The following TDP1 variants were observed in gnomAD, a reference collection of about 807,000 sequenced individuals.
The protein encoded by TDP1 is tyrosyl-DNA phosphodiesterase 1, also known as tyr-DNA phosphodiesterase 1.
In TDP1, 64 loss-of-function variants were observed where a neutral mutation model predicts 81.5. The ratio of observed to expected loss-of-function variants is 0.79; its 90% CI spans 0.64 to 0.97. The LOEUF (loss-of-function observed/expected upper bound fraction) is 0.97. Among genes scored for constraint, TDP1 ranks in the 50% least tolerant of loss-of-function variants. The probability of loss-of-function intolerance (pLI) is 0.00; values close to 1 mark genes in which losing one functional copy is unlikely to be tolerated. For missense variants in TDP1, 723 were observed against 743.8 expected, an observed-to-expected ratio of 0.97 and a Z score of 0.33; for synonymous variants, 256 against 264.3, an observed-to-expected ratio of 0.97 and a Z score of 0.30.
intron 16 of TDP1, among the ~76,000 whole-genome samples, chr14:90,038,683 C>T (rs779710578): frequency 6.6e-6 from 1 of 152,058 alleles, no homozygotes; most frequent in African/African-American, 2.4e-5. Flanking sequence ...ACTAAAAATA[C>T]AGAATGTAGC....
chr14:89,974,908 A>ATC (rs1475149509), intron 6 of TDP1, among the ~76,000 whole-genome samples: 3 of 152,222 alleles, frequency 2.0e-5, no homozygotes, highest in African/African-American at 7.2e-5. Context: ...TGGGTATTAG[A>ATC]TAACATGTTT....
At chr14:89,982,726 A>G (rs1448707392) in intron 8 of TDP1, among the ~76,000 whole-genome samples, 8 of 152,244 alleles carry the variant, frequency 5.3e-5, no homozygotes, top group Non-Finnish European at 1.0e-4. Context: ...AAACTCAGAA[A>G]GTACCAAGAC....
intron 14 of TDP1, among the ~76,000 whole-genome samples, chr14:89,999,394 C>G (rs1896998995): frequency 6.6e-6 from 1 of 152,024 alleles, no homozygotes; most frequent in South Asian, 2.1e-4. Context: ...GTGCTCATGC[C>G]CAGCAAATCT....
intron 8 of TDP1, among the ~76,000 whole-genome samples, chr14:89,982,466 C>A (rs1208959509): frequency 6.6e-6 from 1 of 152,112 alleles, no homozygotes; most frequent in Non-Finnish European, 1.5e-5. Context: ...TCTCATGAAA[C>A]AATGTTACTA....
chr14:90,031,707 T>C (rs992282216), intron 15 of TDP1, among the ~76,000 whole-genome samples: 19 of 152,122 alleles, frequency 1.2e-4, no homozygotes, highest in African/African-American at 4.6e-4. Flanking sequence ...ACTCAACATC[T>C]GTTTTAGTCC....
chr14:90,043,035 T>A, intron 16 of TDP1, 35 bp from the exon 17 acceptor site: 1 of 1,614,068 alleles, frequency 6.2e-7, no homozygotes, highest in Non-Finnish European at 8.5e-7. Flanking sequence ...ACCATCCTAT[T>A]CAAATAAATA....
Position 90,000,180 on chromosome 14 carries a change from A to G in TDP1, c.1541+6697A>G, listed in dbSNP as rs573312373. On this transcript the variant is annotated intron_variant, in intron 14 of 16. Coordinates refer to ENST00000335725, the MANE Select transcript of TDP1 (RefSeq NM_018319.4). ...CCCGTGGTGGTCTGCTGCATTCCTC[A>G]TGGGATGCTTCTTGGAGACCAGCAG... Among the ~76,000 whole-genome samples, 167 of 152,190 alleles carry G rather than the reference A, an allele frequency of 1.1e-3. 1 individual carries two copies. The highest frequency in any genetic ancestry group is 3.8e-3 in the African/African-American group (158 of 41,520).
intron 6 of TDP1, 165 bp from the exon 7 acceptor site, chr14:89,975,616 G>C: frequency 2.4e-6 from 1 of 425,352 alleles, no homozygotes; most frequent in Middle Eastern, 1.2e-3. Context: ...AGCGTCCCCA[G>C]ATGCTATTAT....
chr14:89,973,250 A>T (rs1893863865), intron 6 of TDP1, among the ~76,000 whole-genome samples: 1 of 152,252 alleles, frequency 6.6e-6, no homozygotes, highest in African/African-American at 2.4e-5. Context: ...GTTATACTGC[A>T]GTAGGATAGC....
chr14:89,975,841 A>G, intron 7 of TDP1, 26 bp downstream of exon 7: 1 of 1,595,026 alleles, frequency 6.3e-7, no homozygotes, highest in Non-Finnish European at 8.6e-7. Context: ...GAAATAGGGG[A>G]ACCCCTCAAG....
intron 10 of TDP1, among the ~76,000 whole-genome samples, chr14:89,985,579 G>A (rs1895467559): frequency 1.3e-5 from 2 of 152,120 alleles, no homozygotes; most frequent in African/African-American, 2.4e-5. Context: ...GACTACAACT[G>A]AGCTATAATA....
intron 16 of TDP1, among the ~76,000 whole-genome samples, chr14:90,033,909 T>C (rs760126589): frequency 6.6e-5 from 10 of 151,940 alleles, no homozygotes; most frequent in Non-Finnish European, 1.0e-4. Flanking sequence ...AAAAAAAAAT[T>C]TGTTTTAAAT....
intron 16 of TDP1, among the ~76,000 whole-genome samples, chr14:90,041,103 A>G (rs989233414): frequency 1.3e-5 from 2 of 152,258 alleles, no homozygotes; most frequent in African/African-American, 4.8e-5. Context: ...ACTCATAGCA[A>G]GAATTGGGTG....
At chr14:90,031,395 A>G (rs995790334) in intron 15 of TDP1, among the ~76,000 whole-genome samples, 15 of 151,068 alleles carry the variant, frequency 9.9e-5, no homozygotes, top group African/African-American at 2.9e-4. Flanking sequence ...AGTGGCTCAC[A>G]CCTGTAATCC....
rs1895435051 is a variant in TDP1 at position 89,985,300 on chromosome 14, C to T, written c.1131+90C>T. On this transcript the variant is annotated intron_variant, in intron 10 of 16. Transcript: ENST00000335725. ...AATTATATATTTTGATGCAGCTTCA[C>T]AATATTTCTGCACAATTCTGGGCAA... 2.1e-5 allele frequency: 16 copies of T among 765,126 alleles called. No individual in the cohort carries two copies. In the East Asian group the frequency reaches 4.4e-4, roughly 21 times the overall value. The allele number at this position is 765,126 out of a possible 1,614,324, so 47.4% of individuals were successfully genotyped here. A position where few individuals can be genotyped will look rare whatever the true frequency, so the allele number is the denominator to read the frequency against.
In TDP1 at chr14:89,963,686, T is replaced by C. The variant is rs754345707; in HGVS notation, c.559+13T>C. 1 of 1,613,852 alleles carries C rather than the reference T, an allele frequency of 6.2e-7. No homozygotes were observed. On this transcript the variant is annotated intron_variant, in intron 3 of 16. Coordinates refer to ENST00000335725, the MANE Select transcript of TDP1 (RefSeq NM_018319.4). Reference sequence around the variant, plus strand: ...CTCCACATCAAGGGTAAGAGGATGCTGGGTGTCAAGGAGCTGTTGAATTGC... The same window carrying C: ...CTCCACATCAAGGGTAAGAGGATGCCGGGTGTCAAGGAGCTGTTGAATTGC...
At chr14:90,001,694 A>G (rs1897199666) in intron 14 of TDP1, among the ~76,000 whole-genome samples, 1 of 152,158 alleles carries the variant, frequency 6.6e-6, no homozygotes, top group Non-Finnish European at 1.5e-5. Flanking sequence ...TTTTTTCTGT[A>G]CTGTCTACAA....
At chr14:89,981,178 C>T (rs548685980) in intron 8 of TDP1, among the ~76,000 whole-genome samples, 63 of 152,308 alleles carry the variant, frequency 4.1e-4, no homozygotes, top group Middle Eastern at 3.4e-3. Flanking sequence ...TTTCCCCACT[C>T]CCCCAGTTGG....
At position 90,040,427 on chromosome 14, in the gene TDP1, T is replaced by C. The variant is rs34702016; in HGVS notation, c.1754-2643T>C. 4.1e-4 allele frequency among the ~76,000 whole-genome samples: 62 copies of C among 152,284 alleles called. No individual in the cohort carries two copies. In the East Asian group the frequency reaches 0.011, roughly 26 times the overall value. On this transcript the variant is annotated intron_variant, in intron 16 of 16. Coordinates refer to ENST00000335725, the MANE Select transcript of TDP1 (RefSeq NM_018319.4). ...TCTCTGTGCATGTGTCCTGGGAAAATGTTCTCTAACAGGCTGCCCAGCGTT... is the reference window on the plus strand; with the variant it reads ...TCTCTGTGCATGTGTCCTGGGAAAACGTTCTCTAACAGGCTGCCCAGCGTT...
Sources: allele counts gnomAD v4.1 joint callset (sites outside exome capture counted in the v4.1 genomes callset), GRCh38; gene constraint gnomAD v4.1.1; transcripts MANE v1.5; gene names NCBI Gene and HGNC (gene_info 2026-07-23, HGNC 2026-07-21).